PRKN: variants seen among roughly 807,000 people sequenced by gnomAD.
PRKN encodes parkin RBR E3 ubiquitin protein ligase.
Under a neutral mutation model 59.5 loss-of-function variants are expected in PRKN, and 56 were observed. The observed-to-expected ratio is 0.94, with a 90% CI of 0.76 to 1.18. The LOEUF (loss-of-function observed/expected upper bound fraction) is 1.18. PRKN is among the 50% of genes most tolerant of loss of function. PRKN has a pLI of 0.00. For synonymous variants in PRKN, 250 were observed against 222.1 expected, an observed-to-expected ratio of 1.13 and a Z score of -1.12; for missense variants, 657 against 596.4, an observed-to-expected ratio of 1.10 and a Z score of -1.06.
At chr6:161,432,402 A>G (rs1788688750) in intron 9 of PRKN, among the ~76,000 whole-genome samples, 1 of 126,288 alleles carries the variant, frequency 7.9e-6, no homozygotes, top group African/African-American at 3.1e-5. Context: ...CACTCTTGTC[A>G]TCCAGGCTGG....
At chr6:162,624,752 C>T (rs761681622) in intron 1 of PRKN, among the ~76,000 whole-genome samples, 7 of 152,120 alleles carry the variant, frequency 4.6e-5, no homozygotes, top group Non-Finnish European at 1.0e-4. Flanking sequence ...AACTCCTGGC[C>T]TCAAGGGCTC....
intron 6 of PRKN, among the ~76,000 whole-genome samples, chr6:161,796,634 T>C (rs1352715903): frequency 6.6e-6 from 1 of 152,192 alleles, no homozygotes; most frequent in Non-Finnish European, 1.5e-5. Flanking sequence ...TTAATGGAGT[T>C]ATGTTTTTTC....
rs1789752992 is a variant in PRKN, at chr6:161,451,916, T to A, written c.1084-65039A>T. On this transcript the variant is annotated intron_variant, in intron 9 of 11. Transcript: ENST00000366898. The surrounding 1 kb of genome is among the most constrained non-coding windows in gnomAD (Gnocchi z 5.9). ...CATTTATAAATTTAAGACATTCTTTTTTTTCTTTTTTCTTTTCTTTTCTTT... is the reference window on the plus strand; with the variant it reads ...CATTTATAAATTTAAGACATTCTTTATTTTCTTTTTTCTTTTCTTTTCTTT... Among the ~76,000 whole-genome samples, 1 of 152,090 alleles carries A rather than the reference T, an allele frequency of 6.6e-6. No homozygotes were observed. Among genetic ancestry groups the A allele is most frequent in the Non-Finnish European group, 1.5e-5 (1 of 68,008 alleles).
intron 1 of PRKN, among the ~76,000 whole-genome samples, chr6:162,527,922 G>A (rs1185096117): frequency 6.6e-6 from 1 of 152,012 alleles, no homozygotes; most frequent in Non-Finnish European, 1.5e-5. Context: ...ATCCAGCCTG[G>A]GCCTCCTTCC....
rs565417523 is a variant in PRKN, at chr6:161,442,056, A to G, written c.1084-55179T>C. 6.6e-6 allele frequency among the ~76,000 whole-genome samples: 1 copy of G among 152,346 alleles called. No individual in the cohort carries two copies. Among genetic ancestry groups the G allele is most frequent in the African/African-American group, 2.4e-5 (1 of 41,588 alleles). On this transcript the variant is annotated intron_variant, in intron 9 of 11. Coordinates refer to ENST00000366898, the MANE Select transcript of PRKN (RefSeq NM_004562.3). The surrounding 1 kb of genome is among the most constrained non-coding windows in gnomAD (Gnocchi z 4.6). ...GACGATGTAAGATGAAATACTGTTC[A>G]GTGGGCTAATGCAGCCACACGAGTG...
intron 2 of PRKN, among the ~76,000 whole-genome samples, chr6:162,337,670 T>C (rs889773663): frequency 1.3e-5 from 2 of 152,132 alleles, no homozygotes. Flanking sequence ...TCTCGATCCA[T>C]CATCATTCCT....
intron 1 of PRKN, among the ~76,000 whole-genome samples, chr6:162,709,510 C>T (rs115223514): frequency 2.2e-3 from 331 of 152,232 alleles, no homozygotes; most frequent in African/African-American, 7.7e-3. Context: ...TCCCCAAACT[C>T]AGAGTTCCTT....
At chr6:161,758,707 C>G (rs1374817783) in intron 7 of PRKN, among the ~76,000 whole-genome samples, 1 of 152,122 alleles carries the variant, frequency 6.6e-6, no homozygotes, top group Non-Finnish European at 1.5e-5. Context: ...ATTTAATTAA[C>G]ACAGGCCCAC....
intron 7 of PRKN, among the ~76,000 whole-genome samples, chr6:161,770,815 T>C: frequency 6.8e-6 from 1 of 146,606 alleles, no homozygotes; most frequent in East Asian, 2.0e-4. Context: ...GGTGTAGATC[T>C]TCACCCAATC....
At chr6:162,140,206 T>C (rs1954919) in intron 4 of PRKN, among the ~76,000 whole-genome samples, 59,343 of 152,076 alleles carry the variant, frequency 0.39, 12,013 homozygotes, top group African/African-American at 0.47. Context: ...AACTTCCCTT[T>C]TAGTTTCCTG....
chr6:162,393,698 T>C (rs1483966648), intron 2 of PRKN, among the ~76,000 whole-genome samples: 2 of 152,214 alleles, frequency 1.3e-5, no homozygotes, highest in African/African-American at 4.8e-5. Flanking sequence ...TAAGAGTAAA[T>C]AATAAATTTT....
chr6:162,149,983 T>C (rs1782197076), intron 4 of PRKN, among the ~76,000 whole-genome samples: 1 of 152,136 alleles, frequency 6.6e-6, no homozygotes, highest in Non-Finnish European at 1.5e-5. Context: ...CATTCCTGCA[T>C]TTTGTCACAG....
intron 2 of PRKN, among the ~76,000 whole-genome samples, chr6:162,330,527 G>A (rs921630449): frequency 6.6e-6 from 1 of 152,140 alleles, no homozygotes; most frequent in Non-Finnish European, 1.5e-5. Context: ...TCTAGATATT[G>A]AGTCTGTCAC....
intron 1 of PRKN, among the ~76,000 whole-genome samples, chr6:162,652,297 T>A (rs117978976): frequency 6.6e-6 from 1 of 152,226 alleles, no homozygotes; most frequent in South Asian, 2.1e-4. Flanking sequence ...CTGACTGATA[T>A]GTCATAGCGA....
chr6:161,696,615 T>G (rs1384353509), intron 7 of PRKN, among the ~76,000 whole-genome samples: 3 of 152,208 alleles, frequency 2.0e-5, no homozygotes, highest in Admixed American at 6.5e-5. Flanking sequence ...GCTTGCACAG[T>G]ATCATGCAGG....
chr6:162,484,435 T>C (rs1792451557), intron 1 of PRKN, among the ~76,000 whole-genome samples: 1 of 152,074 alleles, frequency 6.6e-6, no homozygotes, highest in South Asian at 2.1e-4. Context: ...TAACTAGATA[T>C]AATGGATCGG....
chr6:161,645,907 C>T (rs931541710), intron 7 of PRKN, among the ~76,000 whole-genome samples: 1 of 149,876 alleles, frequency 6.7e-6, no homozygotes, highest in African/African-American at 2.4e-5. Context: ...GAGGAGGCGG[C>T]GTATCAGTGA....
At chr6:162,697,005 C>A (rs1242400508) in intron 1 of PRKN, among the ~76,000 whole-genome samples, 1 of 151,928 alleles carries the variant, frequency 6.6e-6, no homozygotes, top group African/African-American at 2.4e-5. Context: ...TCCTTAATAG[C>A]AAATTAATAC....
At chr6:162,359,213 C>A (rs1748227097) in intron 2 of PRKN, among the ~76,000 whole-genome samples, 1 of 151,684 alleles carries the variant, frequency 6.6e-6, no homozygotes, top group African/African-American at 2.4e-5. Flanking sequence ...CAGAGGAAAA[C>A]CACCAGGTAA....
Sources: allele counts gnomAD v4.1 joint callset (sites outside exome capture counted in the v4.1 genomes callset), GRCh38; gene constraint gnomAD v4.1.1; non-coding constraint Gnocchi (gnomAD v3.1); transcripts MANE v1.5; gene names NCBI Gene and HGNC (gene_info 2026-07-23, HGNC 2026-07-21).